DCAF6: variants seen among roughly 807,000 people sequenced by gnomAD.
The protein encoded by DCAF6 is DDB1 and CUL4 associated factor 6, also known as DDB1- and CUL4-associated factor 6.
A neutral mutation model predicts 125.1 loss-of-function variants in DCAF6; 54 were observed. The ratio of observed to expected loss-of-function variants is 0.43; its 90% CI spans 0.35 to 0.54. The LOEUF (loss-of-function observed/expected upper bound fraction) is 0.54. Among genes scored for constraint, DCAF6 ranks in the 20% least tolerant of loss-of-function variants. The pLI is 0.01. For missense variants in DCAF6, 934 were observed against 1,161.7 expected (o/e 0.80, Z 2.85); for synonymous variants, 371 against 390.4 (o/e 0.95, Z 0.58).
chr1:168,021,442 C>G (rs142989949), intron 11 of DCAF6, among the ~76,000 whole-genome samples: 1 of 151,914 alleles, frequency 6.6e-6, no homozygotes, highest in African/African-American at 2.4e-5. Flanking sequence ...TTTATCTGTT[C>G]TTTAAAAACA....
At chr1:167,935,244 T>TC (rs1671067957), upstream of DCAF6, among the ~76,000 whole-genome samples, 1 of 152,148 alleles carries the variant, frequency 6.6e-6, no homozygotes, top group African/African-American at 2.4e-5. Context: ...CTGGATGAAG[T>TC]AAAGCATGCA....
the DCAF6 span, chr1:167,903,939 C>A: frequency 2.5e-6 from 4 of 1,613,968 alleles, no homozygotes; most frequent in Non-Finnish European, 8.5e-7. Flanking sequence ...ACTGCTCAGC[C>A]CCTCTGTCCA....
chr1:167,892,569 T>C, the DCAF6 span, among the ~76,000 whole-genome samples: 2 of 152,184 alleles, frequency 1.3e-5, no homozygotes, highest in East Asian at 3.8e-4. Flanking sequence ...AGAAGCATAA[T>C]GTATTATATC....
rs774566538 is a variant in DCAF6, at chr1:168,004,684, G to A, written c.1269G>A (p.Ser423=). The change falls in exon 10 of 22, where the codon TCG becomes TCA. Residue 423 remains serine, a synonymous_variant. Coordinates refer to ENST00000367840, the MANE Select transcript of DCAF6 (RefSeq NM_001198956.2). ...TSSTMSAQAH[S]TSSPTESPHS... ...CTACAATGTCAGCTCAGGCTCATTC[G>A]ACATCATCTCCCACAGAAAGCCCTC... is the stretch of plus-strand genomic sequence containing the variant. The A allele has an allele frequency of 1.1e-5, 17 of 1,613,788 alleles. No individual in the cohort carries two copies. In the African/African-American group the frequency reaches 1.3e-4, roughly 13 times the overall value.
chr1:167,911,421 C>T, the DCAF6 span, among the ~76,000 whole-genome samples: 17,231 of 152,244 alleles, frequency 0.11, 1,158 homozygotes, highest in African/African-American at 0.18. Context: ...TATACTGGTC[C>T]AAGCAACCAT....
At chr1:167,982,176 G>A (rs1258337715) in intron 4 of DCAF6, among the ~76,000 whole-genome samples, 4 of 152,138 alleles carry the variant, frequency 2.6e-5, no homozygotes, top group East Asian at 1.9e-4. Flanking sequence ...TGCCTTTGGC[G>A]AAGTGTCTGT....
intron 4 of DCAF6, among the ~76,000 whole-genome samples, chr1:167,983,799 T>G (rs2102958429): frequency 6.6e-6 from 1 of 152,340 alleles, no homozygotes; most frequent in African/African-American, 2.4e-5. Flanking sequence ...CAAGCAACTG[T>G]GATGTTAAAT....
the DCAF6 span, among the ~76,000 whole-genome samples, chr1:167,902,417 A>G: frequency 0.03 from 4,546 of 152,334 alleles, 233 homozygotes; most frequent in African/African-American, 0.1. Context: ...TTGTGTAAGC[A>G]TGGGTGGGTG....
chr1:168,030,922 A>G (rs904838189), intron 12 of DCAF6, among the ~76,000 whole-genome samples: 30 of 152,156 alleles, frequency 2.0e-4, no homozygotes, highest in Admixed American at 1.4e-3. Context: ...GTGAATGGCT[A>G]TTTTCTTAAA....
intron 2 of DCAF6, among the ~76,000 whole-genome samples, chr1:167,957,757 A>G (rs1043664307): frequency 1.3e-5 from 2 of 152,150 alleles, no homozygotes; most frequent in Admixed American, 1.3e-4. Flanking sequence ...AGCAACATAC[A>G]GGGTTCCAGT....
At chr1:167,967,146 A>G (rs1200474495) in intron 3 of DCAF6, among the ~76,000 whole-genome samples, 1 of 152,150 alleles carries the variant, frequency 6.6e-6, no homozygotes, top group South Asian at 2.1e-4. Context: ...AACTTTGGTC[A>G]TTGTTTCGTT....
At chr1:167,926,735 C>T in the DCAF6 span, among the ~76,000 whole-genome samples, 1 of 152,172 alleles carries the variant, frequency 6.6e-6, no homozygotes, top group Non-Finnish European at 1.5e-5. Context: ...TTAAGAAATC[C>T]TGGCCTAGGG....
At chr1:167,868,174 T>C in the DCAF6 span, among the ~76,000 whole-genome samples, 4 of 152,174 alleles carry the variant, frequency 2.6e-5, no homozygotes, top group African/African-American at 9.7e-5. Context: ...GAAATTTGTT[T>C]TTGCAATTAG....
the DCAF6 span, among the ~76,000 whole-genome samples, chr1:167,909,330 T>A: frequency 6.6e-5 from 10 of 152,136 alleles, no homozygotes; most frequent in Non-Finnish European, 1.5e-4. Context: ...TGAATAATGG[T>A]GCTAAGAACA....
the DCAF6 span, among the ~76,000 whole-genome samples, chr1:167,909,306 C>T: frequency 1.7e-4 from 26 of 152,284 alleles, no homozygotes; most frequent in Admixed American, 9.2e-4. Flanking sequence ...GTTGTTCCCA[C>T]TTTTAGACCA....
chr1:168,034,098 G>C (rs1165367466), intron 12 of DCAF6, among the ~76,000 whole-genome samples: 8 of 152,180 alleles, frequency 5.3e-5, no homozygotes, highest in African/African-American at 1.9e-4. Flanking sequence ...ATTTATTTCT[G>C]AGGAGTAACA....
chr1:168,046,761 C>T (rs1454563676), intron 16 of DCAF6, among the ~76,000 whole-genome samples: 1 of 152,098 alleles, frequency 6.6e-6, no homozygotes, highest in Admixed American at 6.5e-5. Context: ...TTTCCAAAAT[C>T]AAACTGATAA....
At chr1:168,023,816 C>A (rs1685970380) in intron 12 of DCAF6, 1 of 152,106 alleles carries the variant, frequency 6.6e-6, no homozygotes, top group African/African-American at 2.4e-5. Flanking sequence ...ACTATCTCAC[C>A]TCAGAATTTA....
Position 168,017,796 on chromosome 1 carries a change from A to G in DCAF6, c.1549+1845A>G, listed in dbSNP as rs71632335. On this transcript the variant is annotated intron_variant, in intron 11 of 21. Coordinates refer to ENST00000367840, the MANE Select transcript of DCAF6 (RefSeq NM_001198956.2). Reference sequence around the variant, plus strand: ...CAGAAAGCACCAAAATTAGCCTCCTAGATTTTAATTTATTAATAATAGAAG... The same window carrying G: ...CAGAAAGCACCAAAATTAGCCTCCTGGATTTTAATTTATTAATAATAGAAG... Among the ~76,000 whole-genome samples, 882 of 152,262 alleles carry G rather than the reference A, an allele frequency of 5.8e-3. 7 individuals carry two copies. The highest frequency in any genetic ancestry group is 8.8e-3 in the Admixed American group (134 of 15,294).
Sources: allele counts gnomAD v4.1 joint callset (sites outside exome capture counted in the v4.1 genomes callset), GRCh38; gene constraint gnomAD v4.1.1; transcripts MANE v1.5; gene names NCBI Gene and HGNC (gene_info 2026-07-23, HGNC 2026-07-21).